Variants in CIB3 observed in about 807,000 individuals in gnomAD.
The protein encoded by CIB3 is calcium and integrin-binding family member 3.
A neutral mutation model predicts 23.4 loss-of-function variants in CIB3; 22 were observed. The observed-to-expected ratio is 0.94, with a 90% CI of 0.67 to 1.34. The LOEUF (loss-of-function observed/expected upper bound fraction) is 1.34, where lower values mean the gene tolerates loss of function less well. CIB3 is among the 40% of genes most tolerant of loss of function. The pLI is 0.00. For synonymous variants in CIB3, 93 were observed against 95.8 expected (o/e 0.97, Z 0.17); for missense variants, 258 against 247.3 (o/e 1.04, Z -0.29).
intron 5 of CIB3, among the ~76,000 whole-genome samples, chr19:16,162,243 CAAAAAAAAAAAAA>C (rs79329568): frequency 1.9e-5 from 1 of 52,470 alleles, no homozygotes; most frequent in Non-Finnish European, 3.9e-5. Context: ...CTTGTCTCCA[CAAAAAAAAAAAAA>C]AAAAAAAAAA....
At position 16,169,649 on chromosome 19, in the gene CIB3, C is replaced by T; in HGVS notation, c.179G>A (p.Gly60Asp). Residue 60 changes from glycine to aspartate, a missense_variant, in exon 3 of 6, where the codon GGC becomes GAC. Gly to Asp is a moderately conservative substitution (Grantham distance 94, BLOSUM62 -1). Transcript: ENST00000269878. ...PDVKVPYELI[G>D]SMPELKDNPF... ...GCATACCTTCAGCTCGGGCATGCTG[C>T]CAATGAGCTCGTAGGGCACCTTCAC... is the stretch of plus-strand genomic sequence containing the variant. The T allele has an allele frequency of 1.2e-6, 2 of 1,613,558 alleles. No individual in the cohort carries two copies. The highest frequency in any genetic ancestry group is 1.7e-6 in the Non-Finnish European group (2 of 1,179,646).
At chr19:16,161,730 T>G (rs894917477) in intron 5 of CIB3, among the ~76,000 whole-genome samples, 14 of 142,492 alleles carry the variant, frequency 9.8e-5, no homozygotes, top group Non-Finnish European at 3.0e-5. Flanking sequence ...CAGGCTGTAG[T>G]GCAGTGGTGT....
chr19:16,167,816 G>A (rs890999918), intron 4 of CIB3, among the ~76,000 whole-genome samples: 10 of 152,050 alleles, frequency 6.6e-5, no homozygotes, highest in African/African-American at 2.4e-4. Flanking sequence ...TGGGCAAAAA[G>A]AGCGAAACTC....
Position 16,168,241 on chromosome 19 carries a change from T to C in CIB3, c.242A>G (p.Asp81Gly), listed in dbSNP as rs766803121. Residue 81 changes from aspartate to glycine, a missense_variant, in exon 4 of 6, where the codon GAT (aspartate) becomes GGT (glycine). Coordinates refer to ENST00000269878, the MANE Select transcript of CIB3 (RefSeq NM_054113.4). Reference sequence around the variant, plus strand: ...GTCCAGGGTCATGTGGCCATCCCCATCCTCAGAGAATACCTGGGCAATCCT... The same window carrying C: ...GTCCAGGGTCATGTGGCCATCCCCACCCTCAGAGAATACCTGGGCAATCCT... ...RQRIAQVFSE[D>G]GDGHMTLDNF... 7 of 1,613,630 alleles carry C rather than the reference T, an allele frequency of 4.3e-6. No individual in the cohort carries two copies. Among genetic ancestry groups the C allele is most frequent in the African/African-American group, 1.3e-5 (1 of 74,924 alleles).
At chr19:16,171,087 GAGATCA>G (rs1278268678) in intron 2 of CIB3, among the ~76,000 whole-genome samples, 1 of 151,500 alleles carries the variant, frequency 6.6e-6, no homozygotes, top group Admixed American at 6.6e-5. Flanking sequence ...GCAGTGAACC[GAGATCA>G]AGCCAGTGCA....
chr19:16,171,320 A>G (rs12710303), intron 2 of CIB3, among the ~76,000 whole-genome samples: 103,229 of 151,988 alleles, frequency 0.68, 35,959 homozygotes, highest in East Asian at 0.95. Flanking sequence ...TATCCAGATT[A>G]TAAGGCCAGT....
intron 4 of CIB3, among the ~76,000 whole-genome samples, chr19:16,166,161 G>A (rs1259928150): frequency 1.3e-5 from 2 of 151,978 alleles, no homozygotes. Flanking sequence ...GCGTGGTGCG[G>A]GTGCCTGTAA....
At chr19:16,162,893 T>C (rs1196428869) in intron 5 of CIB3, among the ~76,000 whole-genome samples, 577 of 48,884 alleles carry the variant, frequency 0.012, no homozygotes, top group African/African-American at 0.018. Flanking sequence ...TTTCTTTTTT[T>C]TTTTTTTTTT....
intron 2 of CIB3, among the ~76,000 whole-genome samples, chr19:16,170,542 C>T (rs993788800): frequency 7.9e-5 from 12 of 152,180 alleles, no homozygotes; most frequent in African/African-American, 2.4e-4. Context: ...AGGAAGAGGC[C>T]GGATGCAGCG....
chr19:16,163,014 CGA>C (rs1197725370), intron 5 of CIB3, among the ~76,000 whole-genome samples: 1 of 151,016 alleles, frequency 6.6e-6, no homozygotes, highest in Non-Finnish European at 1.5e-5. Context: ...CTCAGCCTCC[CGA>C]GTAGCTGGGA....
At chr19:16,162,886 CTTTTT>C (rs373689760) in intron 5 of CIB3, among the ~76,000 whole-genome samples, 13 of 102,424 alleles carry the variant, frequency 1.3e-4, no homozygotes, top group Admixed American at 2.2e-4. Flanking sequence ...CTTTTCTTTT[CTTTTT>C]TTTTTTTTTT....
intron 2 of CIB3, among the ~76,000 whole-genome samples, chr19:16,172,200 G>A (rs2091330988): frequency 6.6e-6 from 1 of 152,164 alleles, no homozygotes; most frequent in Admixed American, 6.5e-5. Flanking sequence ...TGTCACCCAG[G>A]CTGGAGCACA....
chr19:16,172,162 T>G (rs1288503710), intron 2 of CIB3, among the ~76,000 whole-genome samples: 1 of 152,152 alleles, frequency 6.6e-6, no homozygotes, highest in African/African-American at 2.4e-5. Flanking sequence ...TATCTTTCAT[T>G]TTGTTTTTCT....
chr19:16,163,115 G>T (rs2091292001), intron 5 of CIB3, among the ~76,000 whole-genome samples: 1 of 150,608 alleles, frequency 6.6e-6, no homozygotes, highest in African/African-American at 2.5e-5. Context: ...GGGATTACAG[G>T]TGTGAGCCAC....
intron 5 of CIB3, among the ~76,000 whole-genome samples, chr19:16,163,360 G>A (rs2091293185): frequency 6.6e-6 from 1 of 152,076 alleles, no homozygotes; most frequent in African/African-American, 2.4e-5. Flanking sequence ...TTCAAGACCA[G>A]CCTGGCCAAC....
At chr19:16,169,957 G>T (rs10405936) in intron 2 of CIB3, among the ~76,000 whole-genome samples, 2 of 151,944 alleles carry the variant, frequency 1.3e-5, no homozygotes, top group South Asian at 4.1e-4. Context: ...ACCCTGCCAC[G>T]CCCGGCTAAT....
chr19:16,165,124 T>A (rs2145078831), intron 4 of CIB3, among the ~76,000 whole-genome samples: 2 of 151,868 alleles, frequency 1.3e-5, no homozygotes, highest in South Asian at 4.2e-4. Flanking sequence ...TGAAATCCCA[T>A]CTCTACTAAA....
intron 2 of CIB3, 69 bp downstream of exon 2, chr19:16,173,089 ATTGC>A: frequency 6.6e-7 from 1 of 1,513,296 alleles, no homozygotes; most frequent in Non-Finnish European, 9.0e-7. Context: ...CACACACCAA[ATTGC>A]AAATATCCTC....
At chr19:16,171,063 G>A (rs913338928) in intron 2 of CIB3, among the ~76,000 whole-genome samples, 8 of 151,756 alleles carry the variant, frequency 5.3e-5, no homozygotes, top group South Asian at 2.1e-4. Flanking sequence ...GTGTGAACCC[G>A]GGAGGCGCAG....
Sources: allele counts gnomAD v4.1 joint callset (sites outside exome capture counted in the v4.1 genomes callset), GRCh38; gene constraint gnomAD v4.1.1; transcripts MANE v1.5; gene names NCBI Gene and HGNC (gene_info 2026-07-23, HGNC 2026-07-21).